LDLRAD4: variants seen among roughly 807,000 people sequenced by gnomAD.
LDLRAD4 encodes low density lipoprotein receptor class A domain containing 4.
In LDLRAD4, 5 loss-of-function variants were observed where a neutral mutation model predicts 17.0. That is an observed-to-expected ratio of 0.29 (90% CI 0.15 to 0.62). The LOEUF (loss-of-function observed/expected upper bound fraction) is 0.62, where lower values mean the gene tolerates loss of function less well. Ranked by LOEUF, LDLRAD4 falls within the 20% of genes least tolerant of loss-of-function variation. The pLI is 0.84. For missense variants in LDLRAD4, 340 were observed against 424.7 expected, an observed-to-expected ratio of 0.80 and a Z score of 1.75; for synonymous variants, 168 against 171.8, an observed-to-expected ratio of 0.98 and a Z score of 0.17.
At chr18:13,612,007 C>T (rs2039612155) in intron 3 of LDLRAD4, 2 of 985,492 alleles carry the variant, frequency 2.0e-6, no homozygotes, top group African/African-American at 3.5e-5. Flanking sequence ...AGCGGATCTG[C>T]AGGGGAGAAG....
At chr18:13,449,670 T>C (rs2091664830) in intron 3 of LDLRAD4, among the ~76,000 whole-genome samples, 1 of 152,274 alleles carries the variant, frequency 6.6e-6, no homozygotes, top group African/African-American at 2.4e-5. Context: ...TTCATCCTTA[T>C]CTATCTCTTC....
At chr18:13,434,337 T>A (rs1392584865) in intron 2 of LDLRAD4, among the ~76,000 whole-genome samples, 1 of 152,128 alleles carries the variant, frequency 6.6e-6, no homozygotes, top group African/African-American at 2.4e-5. Context: ...GACTTTTTTT[T>A]AAGAAGAGGA....
intron 5 of LDLRAD4, among the ~76,000 whole-genome samples, chr18:13,644,339 G>A (rs1461181257): frequency 1.3e-5 from 2 of 151,070 alleles, no homozygotes; most frequent in Non-Finnish European, 2.9e-5. Flanking sequence ...AGCTGAGGTG[G>A]GTGGGTCACT....
Position 13,245,983 on chromosome 18 carries a change from A to G in LDLRAD4, c.-467+26995A>G, listed in dbSNP as rs528055949. ...TATTACTCCTTTCTAAAAAGCCAGTATCTGCCTGGAATTACAAGGCAGGCA... is the reference window on the plus strand; with the variant it reads ...TATTACTCCTTTCTAAAAAGCCAGTGTCTGCCTGGAATTACAAGGCAGGCA... On this transcript the variant is annotated intron_variant, in intron 1 of 5. Coordinates refer to the LDLRAD4 transcript ENST00000399848. Among the ~76,000 whole-genome samples, 31 of 152,360 alleles carry G rather than the reference A, an allele frequency of 2.0e-4. No homozygotes were observed. In the South Asian group the frequency reaches 6.4e-3, roughly 32 times the overall value.
intron 3 of LDLRAD4, among the ~76,000 whole-genome samples, chr18:13,604,404 G>A (rs1205383148): frequency 1.3e-5 from 2 of 152,166 alleles, no homozygotes; most frequent in Non-Finnish European, 2.9e-5. Flanking sequence ...ACCATCATGA[G>A]CACCACCTAT....
chr18:13,447,848 C>T (rs572666175), intron 3 of LDLRAD4, among the ~76,000 whole-genome samples: 1 of 152,260 alleles, frequency 6.6e-6, no homozygotes, highest in South Asian at 2.1e-4. Flanking sequence ...TCTAGACGCT[C>T]TCTGCCTGAG....
chr18:13,395,652 G>C (rs2086620445), intron 2 of LDLRAD4, among the ~76,000 whole-genome samples: 1 of 89,382 alleles, frequency 1.1e-5, no homozygotes. Context: ...GGGAGCTGGC[G>C]TGGGGGCAGG....
chr18:13,385,071 G>A (rs548145831), intron 1 of LDLRAD4, among the ~76,000 whole-genome samples: 9 of 152,126 alleles, frequency 5.9e-5, no homozygotes, highest in Non-Finnish European at 8.8e-5. Context: ...ACTGTTTTCC[G>A]AAATGGCTGT....
intron 2 of LDLRAD4, among the ~76,000 whole-genome samples, chr18:13,400,760 C>T (rs764619910): frequency 4.6e-5 from 7 of 151,992 alleles, no homozygotes; most frequent in Admixed American, 2.6e-4. Flanking sequence ...GTAGGGATGA[C>T]GGAGGAAAGG....
Position 13,233,169 on chromosome 18 carries a change from C to T in LDLRAD4, c.-467+14181C>T, listed in dbSNP as rs181893120. 6.6e-3 allele frequency among the ~76,000 whole-genome samples: 1,000 copies of T among 152,308 alleles called. 4 individuals carry two copies. The highest frequency in any genetic ancestry group is 0.011 in the Non-Finnish European group (765 of 68,028). ...GCCTGTCCTGAAGGACGTGAGCGGG[C>T]GAAGTGCTCTTGGGTCTGCTTGGAC... is the stretch of plus-strand genomic sequence containing the variant. On this transcript the variant is annotated intron_variant, in intron 1 of 5. Coordinates refer to the LDLRAD4 transcript ENST00000399848.
At chr18:13,444,572 C>CA (rs2091257616) in intron 3 of LDLRAD4, among the ~76,000 whole-genome samples, 1 of 152,280 alleles carries the variant, frequency 6.6e-6, no homozygotes, top group African/African-American at 2.4e-5. Flanking sequence ...ATCACAGCCC[C>CA]AACCCCCAAA....
intron 2 of LDLRAD4, among the ~76,000 whole-genome samples, chr18:13,425,693 C>T (rs936728366): frequency 3.3e-5 from 5 of 152,152 alleles, no homozygotes; most frequent in African/African-American, 1.2e-4. Flanking sequence ...TGAGGACCAG[C>T]GTGAGTTTTC....
chr18:13,263,991 A>G (rs1427340718), intron 1 of LDLRAD4, among the ~76,000 whole-genome samples: 1 of 152,182 alleles, frequency 6.6e-6, no homozygotes, highest in South Asian at 2.1e-4. Context: ...AAGAAAAAAA[A>G]AAGAATTTTG....
intron 1 of LDLRAD4, among the ~76,000 whole-genome samples, chr18:13,243,320 G>C (rs892309476): frequency 4.6e-5 from 7 of 152,120 alleles, no homozygotes; most frequent in Non-Finnish European, 8.8e-5. Flanking sequence ...GTGGACACTG[G>C]AATATCTCTC....
intron 1 of LDLRAD4, among the ~76,000 whole-genome samples, chr18:13,383,894 C>A (rs753713206): frequency 1.3e-5 from 2 of 152,198 alleles, no homozygotes; most frequent in Admixed American, 6.5e-5. Context: ...TTGTTGCTAG[C>A]AGTGAGAAAG....
At chr18:13,413,601 A>G (rs995280940) in intron 2 of LDLRAD4, among the ~76,000 whole-genome samples, 13 of 152,256 alleles carry the variant, frequency 8.5e-5, no homozygotes, top group African/African-American at 3.1e-4. Flanking sequence ...AATGTCTTCA[A>G]TTGAGTACGG....
In LDLRAD4 at chr18:13,621,629, T is replaced by G. The variant is rs1162357409; in HGVS notation, c.336+358T>G. On this transcript the variant is annotated intron_variant, in intron 4 of 5. Transcript: ENST00000359446. This position sits in a 1 kb window ranked among gnomAD's most constrained non-coding sequence, Gnocchi z 5.5. ...TGGCTTGGCAGTGCACTTGTGAGAT[T>G]CATTGTGTTGTAAAATCCTGTCCTG... Among the ~76,000 whole-genome samples the G allele has an allele frequency of 3.9e-5, 6 of 152,258 alleles. No individual in the cohort carries two copies. Among genetic ancestry groups the G allele is most frequent in the East Asian group, 1.9e-4 (1 of 5,166 alleles).
chr18:13,607,032 T>C (rs2095231450), intron 3 of LDLRAD4, among the ~76,000 whole-genome samples: 1 of 152,198 alleles, frequency 6.6e-6, no homozygotes, highest in Non-Finnish European at 1.5e-5. Flanking sequence ...AAAATCAAAG[T>C]AAGTCATCAT....
rs2042987422 is a variant in LDLRAD4 at position 13,645,683 on chromosome 18, G to C, written c.*26G>C. Reference sequence around the variant, plus strand: ...TTCCTTCCAACGTGCACTTCAGCTGGAGAAAGAAACCAAGAAGGGAAGCGG... The same window carrying C: ...TTCCTTCCAACGTGCACTTCAGCTGCAGAAAGAAACCAAGAAGGGAAGCGG... On this transcript the variant is annotated 3_prime_UTR_variant, in exon 6 of 6. Transcript: ENST00000359446. The surrounding 1 kb of genome is among the most constrained non-coding windows in gnomAD (Gnocchi z 5.7). The C allele has an allele frequency of 6.7e-7, 1 of 1,494,032 alleles. No homozygotes were observed. Among genetic ancestry groups the C allele is most frequent in the Non-Finnish European group, 8.9e-7 (1 of 1,122,140 alleles). 92.5% of individuals were successfully genotyped at this position (1,494,032 alleles called of 1,614,324 possible).
Sources: gnomAD v4.1 joint callset for allele counts (sites outside exome capture counted in the v4.1 genomes callset) on GRCh38, gnomAD v4.1.1 for gene constraint, Gnocchi (gnomAD v3.1) non-coding constraint, MANE v1.5 for transcripts, NCBI Gene and HGNC (gene_info 2026-07-23, HGNC 2026-07-21) for gene names.